ACACB: variants seen among roughly 807,000 people sequenced by gnomAD.
ACACB encodes the protein acetyl-CoA carboxylase 2.
A neutral mutation model predicts 278.8 loss-of-function variants in ACACB; 209 were observed. The ratio of observed to expected loss-of-function variants is 0.75; its 90% CI spans 0.67 to 0.84. ACACB has a LOEUF of 0.84. Among genes scored for constraint, ACACB ranks in the 40% least tolerant of loss-of-function variants. The pLI, the probability that ACACB is intolerant of heterozygous loss-of-function variation, is 0.00. For synonymous variants in ACACB, 1,174 were observed against 1,285.6 expected, an observed-to-expected ratio of 0.91 and a Z score of 1.86; for missense variants, 2,850 against 3,269.0, an observed-to-expected ratio of 0.87 and a Z score of 3.13.
intron 28 of ACACB, among the ~76,000 whole-genome samples, chr12:109,231,135 G>T (rs762529173): frequency 2.6e-5 from 4 of 152,100 alleles, no homozygotes; most frequent in Non-Finnish European, 4.4e-5. Flanking sequence ...CCAAGGGAAG[G>T]TCAGATGAGA....
intron 11 of ACACB, among the ~76,000 whole-genome samples, chr12:109,181,560 G>A (rs1243440851): frequency 6.6e-6 from 1 of 152,078 alleles, no homozygotes; most frequent in African/African-American, 2.4e-5. Flanking sequence ...ATCATCTGTT[G>A]ATGGACATTT....
At chr12:109,223,300 G>A (rs989224512) in intron 26 of ACACB, among the ~76,000 whole-genome samples, 3 of 152,132 alleles carry the variant, frequency 2.0e-5, no homozygotes, top group African/African-American at 7.2e-5. Flanking sequence ...GTGCCTGATG[G>A]GAGACCTGTC....
chr12:109,160,167 TAA>T (rs1291841707), intron 2 of ACACB, among the ~76,000 whole-genome samples: 1 of 151,004 alleles, frequency 6.6e-6, no homozygotes, highest in Non-Finnish European at 1.5e-5. Context: ...GAGAGGAATA[TAA>T]GAGGCCATAT....
rs200658546 is a variant in ACACB at position 109,174,239 on chromosome 12, C to A, written c.1216+9C>A. The A allele has an allele frequency of 1.2e-6, 2 of 1,602,272 alleles. No homozygotes were observed. Among genetic ancestry groups the A allele is most frequent in the Non-Finnish European group, 8.5e-7 (1 of 1,174,432 alleles). ...GCCCTGGAGTGGAAGCGGTAAGGGA[C>A]CCCGAGCTTCCCTCTGGGGGAGCTT... On this transcript the variant is annotated intron_variant, in intron 7 of 52. Coordinates refer to ENST00000338432, the MANE Select transcript of ACACB (RefSeq NM_001093.4).
At chr12:109,168,100 T>C in intron 4 of ACACB, 66 bp downstream of exon 4, 1 of 1,536,806 alleles carries the variant, frequency 6.5e-7, no homozygotes, top group Non-Finnish European at 8.8e-7. Flanking sequence ...CTCCTTCCCC[T>C]GTGCCTAGGC....
In ACACB at chr12:109,265,514, G is replaced by A. The variant is rs1395600297; in HGVS notation, c.7239G>A (p.Lys2413=). 1.2e-6 allele frequency: 2 copies of A among 1,613,618 alleles called. No homozygotes were observed. Among genetic ancestry groups the A allele is most frequent in the Non-Finnish European group, 1.7e-6 (2 of 1,179,934 alleles). Residue 2413 remains lysine (K), a synonymous_variant, in exon 52 of 53, where the codon AAG becomes AAA. Transcript: ENST00000338432. Reference sequence around the variant, plus strand: ...ACCTGAAGCACGACTCTGTCCTCAAGACCATCCGAGGGTGAGTGGCCACCG... The same window carrying A: ...ACCTGAAGCACGACTCTGTCCTCAAAACCATCCGAGGGTGAGTGGCCACCG... The part of the protein sequence containing the change: ...ITYLKHDSVL[K]TIRGLVEENP...
chr12:109,210,214 T>C lies in ACACB; in HGVS notation c.3249+861T>C, dbSNP rs1387982508. Among the ~76,000 whole-genome samples the C allele has an allele frequency of 1.1e-3, 63 of 56,600 alleles. 6 individuals are homozygous for C. Among genetic ancestry groups the C allele is most frequent in the Non-Finnish European group, 1.6e-3 (53 of 33,752 alleles). 37.1% of individuals were successfully genotyped at this position (56,600 alleles called of 152,430 possible). On this transcript the variant is annotated intron_variant, in intron 21 of 52. Transcript: ENST00000338432. ...GTGTGTATATGTATATATGTATATA[T>C]ACACACATGTGTGTATATGTATATA...
intron 2 of ACACB, among the ~76,000 whole-genome samples, chr12:109,162,194 G>A (rs1593436818): frequency 6.6e-6 from 1 of 152,020 alleles, no homozygotes; most frequent in Non-Finnish European, 1.5e-5. Context: ...GGCCAGGCTG[G>A]TCTCAAACTC....
rs755226669 is a variant in ACACB at position 109,247,596 on chromosome 12, AT to A, written c.5572-4del. On this transcript the variant is annotated splice_polypyrimidine_tract_variant and intron_variant, in intron 39 of 52. Transcript: ENST00000338432. ...ACTGGATTCGTAGCCTCACTAAAGT[AT>A]TTTTTAAGGGATTTAAATACCTGTA... 3 of 1,608,654 alleles carry A rather than the reference AT, an allele frequency of 1.9e-6. No homozygotes were observed. Among genetic ancestry groups the A allele is most frequent in the South Asian group, 2.2e-5 (2 of 90,802 alleles).
chr12:109,258,821 A>T, intron 46 of ACACB, 152 bp from the exon 47 acceptor site: 1 of 1,000,182 alleles, frequency 1.0e-6, no homozygotes, highest in Non-Finnish European at 1.5e-6. Context: ...AGCGGAGGAG[A>T]TGGGGCTTCC....
rs193122647 is a variant in ACACB at position 109,179,312 on chromosome 12, G to A, written c.1647+15G>A. On this transcript the variant is annotated intron_variant, in intron 10 of 52. Coordinates refer to ENST00000338432, the MANE Select transcript of ACACB (RefSeq NM_001093.4). ...TCATGGAGCAGGTACACTTCTCAGA[G>A]CCCAGGGGGCAGCTTCAGAGAGAGC... 2.1e-4 allele frequency: 343 copies of A among 1,609,422 alleles called. No individual in the cohort carries two copies. The highest frequency in any genetic ancestry group is 2.8e-4 in the Non-Finnish European group (333 of 1,178,344).
chr12:109,235,929 A>T (rs532397629), intron 33 of ACACB: 4 of 368,496 alleles, frequency 1.1e-5, no homozygotes, highest in Non-Finnish European at 2.0e-5. Context: ...AACCTGGGAA[A>T]TAGAGGTTTC....
chr12:109,133,718 G>A (rs974550313), intron 1 of ACACB, among the ~76,000 whole-genome samples: 3 of 151,402 alleles, frequency 2.0e-5, no homozygotes, highest in African/African-American at 7.3e-5. Flanking sequence ...TTTCAAAACT[G>A]TCATGGAGAT....
At chr12:109,140,087 G>T in intron 2 of ACACB, 29 bp downstream of exon 2, 1 of 1,549,170 alleles carries the variant, frequency 6.5e-7, no homozygotes. Flanking sequence ...TTGTAACTGA[G>T]GAGTGCAGAG....
intron 16 of ACACB, among the ~76,000 whole-genome samples, chr12:109,194,519 T>TGC (rs2045034572): frequency 1.3e-5 from 1 of 74,940 alleles, no homozygotes; most frequent in African/African-American, 4.1e-5. Flanking sequence ...TGCATGTGTG[T>TGC]GTGTGTGTGT....
At chr12:109,173,543 A>G (rs1401003852) in intron 6 of ACACB, among the ~76,000 whole-genome samples, 1 of 152,152 alleles carries the variant, frequency 6.6e-6, no homozygotes, top group East Asian at 1.9e-4. Flanking sequence ...GACTCTCATT[A>G]TCAGTCTTAA....
intron 2 of ACACB, among the ~76,000 whole-genome samples, chr12:109,140,847 G>A (rs933924794): frequency 1.3e-5 from 2 of 149,910 alleles, no homozygotes; most frequent in African/African-American, 4.9e-5. Context: ...TAGAGGGAGG[G>A]GCAGTTCTCT....
intron 1 of ACACB, among the ~76,000 whole-genome samples, chr12:109,125,924 T>G (rs1228881329): frequency 6.6e-6 from 1 of 152,152 alleles, no homozygotes; most frequent in Non-Finnish European, 1.5e-5. Flanking sequence ...TTCATGGCGA[T>G]TCTCCTGGTT....
At chr12:109,254,373 G>T (rs1287939726) in intron 44 of ACACB, 39 bp downstream of exon 44, 4 of 1,572,244 alleles carry the variant, frequency 2.5e-6, no homozygotes, top group African/African-American at 3.2e-5. Context: ...CTGGTCTCGG[G>T]TTTCTTTCTA....
Sources: allele counts gnomAD v4.1 joint callset (sites outside exome capture counted in the v4.1 genomes callset), GRCh38; gene constraint gnomAD v4.1.1; transcripts MANE v1.5; gene names NCBI Gene and HGNC (gene_info 2026-07-23, HGNC 2026-07-21).